Variants in FREM1 observed in about 807,000 individuals in gnomAD.
FREM1 encodes FRAS1 related extracellular matrix 1, also known as FRAS1-related extracellular matrix protein 1.
Under a neutral mutation model 210.1 loss-of-function variants are expected in FREM1, and 220 were observed. The ratio of observed to expected loss-of-function variants is 1.05; its 90% CI spans 0.94 to 1.17. FREM1 has a LOEUF of 1.17. Ranked by LOEUF, FREM1 falls within the 50% of genes most tolerant of loss-of-function variation. FREM1 has a pLI of 0.00. For missense variants in FREM1, 3,454 were observed against 2,675.5 expected, an observed-to-expected ratio of 1.29 and a Z score of -6.42; for synonymous variants, 1,189 against 980.2, an observed-to-expected ratio of 1.21 and a Z score of -3.98.
chr9:14,901,785 A>G (rs1164585397), intron 1 of FREM1, among the ~76,000 whole-genome samples: 2 of 152,214 alleles, frequency 1.3e-5, no homozygotes, highest in Non-Finnish European at 2.9e-5. Context: ...AAAATTTCTC[A>G]GCCTTGAATT....
At chr9:14,794,568 C>T (rs1035046476) in intron 21 of FREM1, among the ~76,000 whole-genome samples, 1 of 152,116 alleles carries the variant, frequency 6.6e-6, no homozygotes, top group African/African-American at 2.4e-5. Flanking sequence ...TCTGCAGGAC[C>T]CAAAGCATCC....
rs956381233 is a variant in FREM1 at position 14,910,286 on chromosome 9, G to A, written c.-640C>T. The A allele has an allele frequency of 1.5e-4, 23 of 152,232 alleles. No individual in the cohort carries two copies. Among genetic ancestry groups the A allele is most frequent in the Admixed American group, 1.0e-3 (16 of 15,288 alleles). 9.4% of individuals were successfully genotyped at this position (152,232 alleles called of 1,614,324 possible). A position where few individuals can be genotyped will look rare whatever the true frequency, so the allele number is the denominator to read the frequency against. On this transcript the variant is annotated 5_prime_UTR_variant, in exon 1 of 37. Coordinates refer to ENST00000380880, the MANE Select transcript of FREM1 (RefSeq NM_001379081.2). ...GCCTTCTACTGTTTACACAGAGCCCGACCTCCCTGGCGGACAGCCACCGCT... is the reference window on the plus strand; with the variant it reads ...GCCTTCTACTGTTTACACAGAGCCCAACCTCCCTGGCGGACAGCCACCGCT...
chr9:14,848,678 T>C lies in FREM1; in HGVS notation c.1248A>G (p.Val416=). Residue 416 remains valine (V), a synonymous_variant, in exon 7 of 37, where the codon GTA becomes GTG. Coordinates refer to ENST00000380880, the MANE Select transcript of FREM1 (RefSeq NM_001379081.2). ...ATTGAGCTTTACCTGTATTCCAGGA[T>C]ACACGGGGGGCATTTGTATCTGCTG... ...IRTADTNAPR[V]SWNTGLSLLE... The C allele has an allele frequency of 1.2e-6, 2 of 1,604,220 alleles. No individual in the cohort carries two copies. The highest frequency in any genetic ancestry group is 1.7e-6 in the Non-Finnish European group (2 of 1,171,308).
chr9:14,908,693 T>C (rs896890173), intron 1 of FREM1, among the ~76,000 whole-genome samples: 3 of 152,196 alleles, frequency 2.0e-5, no homozygotes, highest in African/African-American at 7.2e-5. Context: ...AGGTTTAATA[T>C]TAACCAAGTA....
At position 14,859,212 on chromosome 9, in the gene FREM1, T is replaced by C. The variant is rs1344525128; in HGVS notation, c.602A>G (p.Asp201Gly). ...GEPRPEEPRG[D>G]QPHSFFPESQ... ...CTCTGGGAAAAAACTGTGTGGCTGA[T>C]CTCCACGAGGTTCTTCTGGTCGAGG... Residue 201 changes from aspartate (D) to glycine (G), a missense_variant, in exon 4 of 37, where the codon GAT becomes GGT. Transcript: ENST00000380880. The C allele has an allele frequency of 6.3e-7, 1 of 1,596,886 alleles. No homozygotes were observed. The highest frequency in any genetic ancestry group is 1.8e-5 in the Admixed American group (1 of 56,970).
rs1363932220 is a variant in FREM1 at position 14,861,186 on chromosome 9, C to T, written c.330-1702G>A. On this transcript the variant is annotated intron_variant, in intron 3 of 36. Transcript: ENST00000380880. Reference sequence around the variant, plus strand: ...ATACACATGTATGTACATATATACACATATATACATATATACACACATATA... The same window carrying T: ...ATACACATGTATGTACATATATACATATATATACATATATACACACATATA... Among the ~76,000 whole-genome samples, 136 of 117,402 alleles carry T rather than the reference C, an allele frequency of 1.2e-3. 21 individuals are homozygous for T. The highest frequency in any genetic ancestry group is 5.0e-3 in the African/African-American group (131 of 26,050). The allele number at this position is 117,402 out of a possible 152,430, so 77.0% of individuals were successfully genotyped here.
intron 23 of FREM1, among the ~76,000 whole-genome samples, chr9:14,788,326 A>T (rs1324176852): frequency 2.0e-5 from 3 of 152,120 alleles, no homozygotes; most frequent in African/African-American, 7.2e-5. Context: ...ACTCTCCCCC[A>T]TTCACCACTT....
chr9:14,825,060 T>A, intron 10 of FREM1, 68 bp from the exon 11 acceptor site: 1 of 1,002,896 alleles, frequency 1.0e-6, no homozygotes, highest in South Asian at 1.6e-5. Flanking sequence ...TGCCCCACAA[T>A]CACCTAGTCA....
intron 1 of FREM1, among the ~76,000 whole-genome samples, chr9:14,909,123 T>C (rs543272642): frequency 4.6e-5 from 7 of 152,132 alleles, no homozygotes; most frequent in African/African-American, 1.7e-4. Flanking sequence ...TAAACACCAA[T>C]TGGCTCCCAG....
At chr9:14,824,769 T>C (rs1415372564) in intron 11 of FREM1, 27 bp downstream of exon 11, 1 of 1,545,422 alleles carries the variant, frequency 6.5e-7, no homozygotes, top group Non-Finnish European at 8.9e-7. Flanking sequence ...CTAGAACTAG[T>C]AGCCCAAATG....
At chr9:14,841,698 G>T in intron 9 of FREM1, 109 bp from the exon 10 acceptor site, 1 of 701,760 alleles carries the variant, frequency 1.4e-6, no homozygotes, top group Non-Finnish European at 2.1e-6. Flanking sequence ...TACATTCTAT[G>T]TACCCAAGGA....
chr9:14,783,853 A>G (rs1404694668), intron 24 of FREM1, among the ~76,000 whole-genome samples: 1 of 152,214 alleles, frequency 6.6e-6, no homozygotes, highest in Non-Finnish European at 1.5e-5. Context: ...AACATGATTT[A>G]TGATACAGTT....
At chr9:14,885,916 G>C (rs542333977) in intron 1 of FREM1, among the ~76,000 whole-genome samples, 196 of 152,164 alleles carry the variant, frequency 1.3e-3, no homozygotes, top group South Asian at 9.4e-3. Flanking sequence ...GTTAACTATA[G>C]TAGTCATGTT....
intron 10 of FREM1, among the ~76,000 whole-genome samples, chr9:14,837,656 C>A (rs1291525751): frequency 6.6e-6 from 1 of 152,158 alleles, no homozygotes; most frequent in Non-Finnish European, 1.5e-5. Context: ...CCTCACTGAT[C>A]CACACTATGG....
intron 19 of FREM1, among the ~76,000 whole-genome samples, chr9:14,804,486 G>A (rs1315092609): frequency 6.6e-6 from 1 of 152,208 alleles, no homozygotes; most frequent in Non-Finnish European, 1.5e-5. Flanking sequence ...TCGGGAGGCT[G>A]AGGCAGGAGA....
chr9:14,876,693 C>A (rs934355234), intron 1 of FREM1, among the ~76,000 whole-genome samples: 1 of 152,142 alleles, frequency 6.6e-6, no homozygotes, highest in Admixed American at 6.5e-5. Flanking sequence ...CACTGTCCTG[C>A]GCCCACTGTC....
At chr9:14,837,932 G>A (rs1475997691) in intron 10 of FREM1, among the ~76,000 whole-genome samples, 1 of 152,124 alleles carries the variant, frequency 6.6e-6, no homozygotes, top group Non-Finnish European at 1.5e-5. Context: ...TGTGCTACTA[G>A]CTATCTTGAG....
At chr9:14,766,326 G>A (rs928823378) in intron 27 of FREM1, among the ~76,000 whole-genome samples, 2 of 152,106 alleles carry the variant, frequency 1.3e-5, no homozygotes, top group African/African-American at 4.8e-5. Context: ...GTGACTCCCA[G>A]ATGCATTCCA....
intron 16 of FREM1, among the ~76,000 whole-genome samples, chr9:14,809,783 C>T (rs1327424662): frequency 6.6e-6 from 1 of 152,056 alleles, no homozygotes; most frequent in Non-Finnish European, 1.5e-5. Context: ...AAAGACATTT[C>T]AAAAGAATGT....
Sources: gnomAD v4.1 joint callset for allele counts (sites outside exome capture counted in the v4.1 genomes callset) on GRCh38, gnomAD v4.1.1 for gene constraint, MANE v1.5 for transcripts, NCBI Gene and HGNC (gene_info 2026-07-23, HGNC 2026-07-21) for gene names.